GHR: variants seen among roughly 807,000 people sequenced by gnomAD.
GHR encodes the protein GH receptor.
A neutral mutation model predicts 67.1 loss-of-function variants in GHR; 35 were observed. That is an observed-to-expected ratio of 0.52 (90% CI 0.40 to 0.69). The LOEUF is 0.69. Among genes scored for constraint, GHR ranks in the 30% least tolerant of loss-of-function variants. GHR has a pLI of 0.00. For missense variants in GHR, 792 were observed against 764.6 expected (o/e 1.04, Z -0.42); for synonymous variants, 272 against 269.1 (o/e 1.01, Z -0.10).
chr5:42,714,783 A>G (rs1051208392), intron 8 of GHR, among the ~76,000 whole-genome samples: 3 of 152,176 alleles, frequency 2.0e-5, no homozygotes, highest in African/African-American at 4.8e-5. Flanking sequence ...TAGAATTTTA[A>G]TTTGTGTATT....
At position 42,459,916 on chromosome 5, in the gene GHR, T is replaced by C. The variant is rs1197353344; in HGVS notation, c.-12+35961T>C. Among the ~76,000 whole-genome samples, 5 of 152,318 alleles carry C rather than the reference T, an allele frequency of 3.3e-5. No homozygotes were observed. In the East Asian group the frequency reaches 9.6e-4, roughly 29 times the overall value. On this transcript the variant is annotated intron_variant, in intron 1 of 9. Coordinates refer to ENST00000230882, the MANE Select transcript of GHR (RefSeq NM_000163.5). ...TCAAATCTTGGCTCTTATCATTTTT[T>C]AGCCACGTGTCATGGACTCAATGTT...
At chr5:42,595,326 A>C (rs1317869046) in intron 2 of GHR, among the ~76,000 whole-genome samples, 1 of 152,222 alleles carries the variant, frequency 6.6e-6, no homozygotes, top group African/African-American at 2.4e-5. Context: ...AGAAATGCTC[A>C]ATGCTGCAGT....
chr5:42,639,465 G>A (rs1052636959), intron 3 of GHR, among the ~76,000 whole-genome samples: 3 of 152,082 alleles, frequency 2.0e-5, no homozygotes, highest in Non-Finnish European at 4.4e-5. Context: ...TATCTGTCAT[G>A]GAAAAGCAGC....
At chr5:42,512,558 G>A (rs907595732) in intron 1 of GHR, among the ~76,000 whole-genome samples, 5 of 152,122 alleles carry the variant, frequency 3.3e-5, no homozygotes, top group Admixed American at 6.5e-5. Flanking sequence ...TGACCAGAGA[G>A]CATGCCCCTG....
intron 1 of GHR, among the ~76,000 whole-genome samples, chr5:42,452,754 T>C (rs992957826): frequency 2.6e-5 from 4 of 152,174 alleles, no homozygotes; most frequent in African/African-American, 9.6e-5. Flanking sequence ...TGGATGTTTT[T>C]CTTTATGATA....
intron 2 of GHR, among the ~76,000 whole-genome samples, chr5:42,579,189 TAGATAGATAGACA>T: frequency 7.0e-6 from 1 of 143,170 alleles, no homozygotes; most frequent in South Asian, 2.2e-4. Flanking sequence ...GATAGATAGA[TAGATAGATAGACA>T]GATAGATAGA....
intron 3 of GHR, among the ~76,000 whole-genome samples, chr5:42,635,260 G>A (rs961604903): frequency 6.6e-6 from 1 of 152,082 alleles, no homozygotes; most frequent in African/African-American, 2.4e-5. Context: ...ATAACACCAA[G>A]CACCCTAGGG....
At chr5:42,477,952 C>G (rs908648155) in intron 1 of GHR, among the ~76,000 whole-genome samples, 1 of 151,910 alleles carries the variant, frequency 6.6e-6, no homozygotes, top group Admixed American at 6.6e-5. Context: ...ACATGAAGTC[C>G]TTGCCCATGC....
intron 1 of GHR, among the ~76,000 whole-genome samples, chr5:42,485,071 A>C (rs1331577996): frequency 6.6e-6 from 1 of 152,208 alleles, no homozygotes; most frequent in Non-Finnish European, 1.5e-5. Context: ...GATTCCTAGC[A>C]CTGAGTTGCT....
At chr5:42,484,036 G>A (rs1057324911) in intron 1 of GHR, among the ~76,000 whole-genome samples, 2 of 151,982 alleles carry the variant, frequency 1.3e-5, no homozygotes, top group African/African-American at 2.4e-5. Flanking sequence ...TGTGCAGAAC[G>A]AGCACTAAGT....
chr5:42,712,168 C>T (rs1238439324), intron 7 of GHR, among the ~76,000 whole-genome samples: 1 of 152,020 alleles, frequency 6.6e-6, no homozygotes, highest in East Asian at 1.9e-4. Flanking sequence ...CCACAAGCTA[C>T]ATAGAAAATA....
At chr5:42,602,677 T>C (rs1176576496) in intron 2 of GHR, among the ~76,000 whole-genome samples, 1 of 152,160 alleles carries the variant, frequency 6.6e-6, no homozygotes, top group Admixed American at 6.5e-5. Flanking sequence ...TATTTTTTCT[T>C]TGTTGTCACC....
chr5:42,482,513 G>C (rs1365527394), intron 1 of GHR, among the ~76,000 whole-genome samples: 1 of 152,234 alleles, frequency 6.6e-6, no homozygotes, highest in Non-Finnish European at 1.5e-5. Flanking sequence ...GCCTCCTTGA[G>C]CTGTGGTTGG....
chr5:42,529,529 T>C (rs977601152), intron 1 of GHR, among the ~76,000 whole-genome samples: 4 of 152,310 alleles, frequency 2.6e-5, no homozygotes, highest in Middle Eastern at 3.4e-3. Flanking sequence ...GCTTTGACCA[T>C]ATACCATTGT....
chr5:42,496,491 T>C (rs1334608448), intron 1 of GHR, among the ~76,000 whole-genome samples: 1 of 152,098 alleles, frequency 6.6e-6, no homozygotes, highest in Admixed American at 6.6e-5. Flanking sequence ...ATGTGCTTGA[T>C]CTTGGGATGC....
chr5:42,671,788 C>G (rs542667644), intron 3 of GHR, among the ~76,000 whole-genome samples: 127 of 151,926 alleles, frequency 8.4e-4, no homozygotes, highest in African/African-American at 3.0e-3. Flanking sequence ...AACCCAGTCT[C>G]TACTAAAAAT....
At chr5:42,541,102 C>G (rs1237857464) in intron 1 of GHR, among the ~76,000 whole-genome samples, 1 of 151,916 alleles carries the variant, frequency 6.6e-6, no homozygotes, top group African/African-American at 2.4e-5. Flanking sequence ...TATTGCATGC[C>G]TTGTGTTTTC....
Position 42,711,352 on chromosome 5 carries a change from G to T in GHR, c.764G>T (p.Ser255Ile), listed in dbSNP as rs908228306. Reference sequence around the variant, plus strand: ...CTCTATGTAACACTTCCTCAGATGAGCCAATTTACATGTGAAGAAGGTAAA... The same window carrying T: ...CTCTATGTAACACTTCCTCAGATGATCCAATTTACATGTGAAGAAGGTAAA... ...EVLYVTLPQM[S>I]QFTCEEDFYF... Residue 255 changes from serine (S) to isoleucine (I), a missense_variant, in exon 7 of 10, where the codon AGC (serine) becomes ATC (isoleucine). Physicochemically the swap from Ser to Ile is moderately radical, Grantham distance 142 (BLOSUM62 -2). Transcript: ENST00000230882. The T allele has an allele frequency of 1.9e-6, 3 of 1,611,978 alleles. No homozygotes were observed. The African/African-American group carries it at 4.0e-5, about 22-fold the overall frequency.
chr5:42,655,136 A>G (rs114343645), intron 3 of GHR, among the ~76,000 whole-genome samples: 1,716 of 152,232 alleles, frequency 0.011, 20 homozygotes, highest in Non-Finnish European at 0.018. Flanking sequence ...CGTTCATCCA[A>G]AAATATTTCA....
Sources: gnomAD v4.1 joint callset for allele counts (sites outside exome capture counted in the v4.1 genomes callset) on GRCh38, gnomAD v4.1.1 for gene constraint, MANE v1.5 for transcripts, NCBI Gene and HGNC (gene_info 2026-07-23, HGNC 2026-07-21) for gene names.